ENKUR: variants seen among roughly 807,000 people sequenced by gnomAD.
ENKUR encodes the protein enkurin.
In ENKUR, 19 loss-of-function variants were observed where a neutral mutation model predicts 27.6. The observed-to-expected ratio is 0.69, with a 90% CI of 0.48 to 1.01. ENKUR has a LOEUF of 1.01. Ranked by LOEUF, ENKUR falls within the 50% of genes least tolerant of loss-of-function variation. The pLI is 0.00. For missense variants in ENKUR, 312 were observed against 310.5 expected, an observed-to-expected ratio of 1.00 and a Z score of -0.04; for synonymous variants, 117 against 96.9, an observed-to-expected ratio of 1.21 and a Z score of -1.22.
At chr10:25,060,456 T>C (rs1425884934) in intron 2 of ENKUR, among the ~76,000 whole-genome samples, 1 of 152,096 alleles carries the variant, frequency 6.6e-6, no homozygotes, top group Non-Finnish European at 1.5e-5. Context: ...TGAAGAAAAA[T>C]AATACTTGAA....
chr10:25,025,004 T>TAGAA, intron 2 of ENKUR: 1 of 1,614,212 alleles, frequency 6.2e-7, no homozygotes, highest in Non-Finnish European at 8.5e-7. Context: ...TTTAATCGAT[T>TAGAA]AGAAAGTCAG....
At position 24,990,617 on chromosome 10, in the gene ENKUR, G is replaced by T. The variant is rs372903107; in HGVS notation, c.448-8C>A. 469 of 1,588,798 alleles carry T rather than the reference G, an allele frequency of 3.0e-4. 5 individuals are homozygous for T. In the South Asian group the frequency reaches 4.3e-3, roughly 15 times the overall value. ...AGGTGTGACACCATAATCCTAAAAA[G>T]ATTTTGCAGAAAAAAGTAATCAATA... On this transcript the variant is annotated splice_region_variant and splice_polypyrimidine_tract_variant and intron_variant, in intron 3 of 5. Coordinates refer to ENST00000331161, the MANE Select transcript of ENKUR (RefSeq NM_145010.4).
intron 2 of ENKUR, among the ~76,000 whole-genome samples, chr10:25,034,279 C>T (rs954775967): frequency 3.3e-5 from 5 of 152,232 alleles, no homozygotes; most frequent in South Asian, 4.1e-4. Flanking sequence ...GTGGCAAACA[C>T]ATGGTATTAC....
At chr10:25,052,451 T>C (rs1289500481) in intron 2 of ENKUR, among the ~76,000 whole-genome samples, 1 of 152,204 alleles carries the variant, frequency 6.6e-6, no homozygotes, top group Admixed American at 6.5e-5. Context: ...AATAGTCACC[T>C]AGTAAGTACA....
chr10:25,012,977 G>GT (rs1291216613), intron 1 of ENKUR, among the ~76,000 whole-genome samples: 1 of 152,158 alleles, frequency 6.6e-6, no homozygotes, highest in African/African-American at 2.4e-5. Flanking sequence ...CTGGTGATAG[G>GT]TAATTGAATC....
intron 2 of ENKUR, among the ~76,000 whole-genome samples, chr10:25,030,097 A>G (rs1466408340): frequency 1.3e-5 from 2 of 152,122 alleles, no homozygotes; most frequent in African/African-American, 2.4e-5. Flanking sequence ...TCCTGTTTTA[A>G]GGCAGGCTGG....
intron 2 of ENKUR, among the ~76,000 whole-genome samples, chr10:25,043,614 TCTACAGG>T (rs1564356099): frequency 6.6e-6 from 1 of 152,110 alleles, no homozygotes; most frequent in Non-Finnish European, 1.5e-5. Flanking sequence ...GCTTCCTGGA[TCTACAGG>T]CTAATGTTTT....
At chr10:25,039,112 TAA>T (rs1322175599) in intron 2 of ENKUR, among the ~76,000 whole-genome samples, 1 of 152,244 alleles carries the variant, frequency 6.6e-6, no homozygotes, top group Non-Finnish European at 1.5e-5. Flanking sequence ...AAAATGAATT[TAA>T]GTCTACATTA....
rs536618093 is a variant in ENKUR at position 25,005,976 on chromosome 10, G to C, written c.78-6430C>G. Among the ~76,000 whole-genome samples, 3 of 152,226 alleles carry C rather than the reference G, an allele frequency of 2.0e-5. No homozygotes were observed. The East Asian group carries it at 5.8e-4, about 29-fold the overall frequency. Reference sequence around the variant, plus strand: ...TTGAAATGTGGCTGGTGCCACATGCGGAAATCATAGTATTTTAGATAAATT... The same window carrying C: ...TTGAAATGTGGCTGGTGCCACATGCCGAAATCATAGTATTTTAGATAAATT... On this transcript the variant is annotated intron_variant, in intron 1 of 5. Transcript: ENST00000331161.
At chr10:25,015,760 C>A in intron 1 of ENKUR, 100 bp downstream of exon 1, 2 of 1,121,742 alleles carry the variant, frequency 1.8e-6, no homozygotes, top group Middle Eastern at 3.1e-4. Context: ...GGCAAAAATA[C>A]ATTTTATTTA....
intron 1 of ENKUR, among the ~76,000 whole-genome samples, chr10:25,010,691 G>A (rs1207216403): frequency 6.4e-5 from 9 of 141,420 alleles, no homozygotes; most frequent in South Asian, 2.6e-4. Context: ...GAGAACATGC[G>A]GTGTTTGGTT....
At chr10:25,035,797 T>G (rs1442942870) in intron 2 of ENKUR, among the ~76,000 whole-genome samples, 2 of 152,188 alleles carry the variant, frequency 1.3e-5, no homozygotes, top group Non-Finnish European at 2.9e-5. Context: ...AAAGAATGCC[T>G]CTTTAATGAA....
intron 2 of ENKUR, chr10:25,024,667 T>C: frequency 1.2e-6 from 2 of 1,614,250 alleles, no homozygotes; most frequent in Non-Finnish European, 1.7e-6. Context: ...GCAGGTAGTT[T>C]ATCATGCTTC....
intron 2 of ENKUR, among the ~76,000 whole-genome samples, chr10:25,045,317 T>C (rs1358310476): frequency 1.3e-5 from 2 of 152,226 alleles, no homozygotes; most frequent in East Asian, 3.8e-4. Flanking sequence ...TGACCCATAC[T>C]GCCCTATGCT....
intron 2 of ENKUR, among the ~76,000 whole-genome samples, chr10:25,051,356 G>T (rs943932725): frequency 6.6e-6 from 1 of 152,154 alleles, no homozygotes; most frequent in Non-Finnish European, 1.5e-5. Flanking sequence ...GGCTGTTCTT[G>T]CATTGTTATA....
At chr10:25,055,343 A>G (rs1851241608) in intron 2 of ENKUR, among the ~76,000 whole-genome samples, 1 of 151,888 alleles carries the variant, frequency 6.6e-6, no homozygotes, top group Non-Finnish European at 1.5e-5. Context: ...AAAAAAAAAA[A>G]GGTCCTAGTT....
At chr10:25,000,742 G>T (rs1850170808) in intron 1 of ENKUR, among the ~76,000 whole-genome samples, 1 of 151,944 alleles carries the variant, frequency 6.6e-6, no homozygotes, top group Non-Finnish European at 1.5e-5. Context: ...AATCACTTTT[G>T]TTTGGTATGT....
intron 2 of ENKUR, among the ~76,000 whole-genome samples, chr10:25,029,679 C>G (rs1383736512): frequency 1.3e-5 from 2 of 152,106 alleles, no homozygotes; most frequent in African/African-American, 4.8e-5. Flanking sequence ...TCTGTGCACT[C>G]CAGCCACTCA....
intron 2 of ENKUR, among the ~76,000 whole-genome samples, chr10:25,056,689 C>T (rs1851260070): frequency 6.6e-6 from 1 of 152,154 alleles, no homozygotes; most frequent in Non-Finnish European, 1.5e-5. Flanking sequence ...TAAAAGACTG[C>T]AAGACATACT....
Sources: allele counts gnomAD v4.1 joint callset (sites outside exome capture counted in the v4.1 genomes callset), GRCh38; gene constraint gnomAD v4.1.1; transcripts MANE v1.5; gene names NCBI Gene and HGNC (gene_info 2026-07-23, HGNC 2026-07-21).